Variants in CALCOCO1 observed in about 807,000 individuals in gnomAD.
CALCOCO1 encodes calcium-binding and coiled-coil domain-containing protein 1.
Under a neutral mutation model 86.3 loss-of-function variants are expected in CALCOCO1, and 44 were observed. The observed-to-expected ratio is 0.51, with a 90% CI of 0.40 to 0.66. The LOEUF is 0.66. CALCOCO1 is among the 30% of genes least tolerant of loss of function. The pLI is 0.00. For synonymous variants in CALCOCO1, 297 were observed against 327.6 expected (o/e 0.91, Z 1.01); for missense variants, 708 against 851.1 (o/e 0.83, Z 2.09).
In CALCOCO1 at chr12:53,711,609, G is replaced by A. The variant is rs2120524362; in HGVS notation, c.*335C>T. The stretch of plus-strand genomic sequence containing the variant: ...GTGTGAGTGTGAGTGTGTGTGTGCA[G>A]TGGCTGTGTATCAGAAGCAACCAGG... On this transcript the variant is annotated 3_prime_UTR_variant, in exon 15 of 15. Transcript: ENST00000550804. 1 of 295,656 alleles carries A rather than the reference G, an allele frequency of 3.4e-6. No individual in the cohort carries two copies. The highest frequency in any genetic ancestry group is 6.2e-6 in the Non-Finnish European group (1 of 161,144). The allele number at this position is 295,656 out of a possible 1,614,324, so 18.3% of individuals were successfully genotyped here.
chr12:53,711,730 C>A lies in CALCOCO1; in HGVS notation c.*214G>T. 1 of 445,270 alleles carries A rather than the reference C, an allele frequency of 2.2e-6. No individual in the cohort carries two copies. 27.6% of individuals were successfully genotyped at this position (445,270 alleles called of 1,614,324 possible). On this transcript the variant is annotated 3_prime_UTR_variant, in exon 15 of 15. Transcript: ENST00000550804. ...AGGGGATAAATTCAGCCACTGCTTCCGAACAGGACCCCTCCCTGGGACAAA... is the reference window on the plus strand; with the variant it reads ...AGGGGATAAATTCAGCCACTGCTTCAGAACAGGACCCCTCCCTGGGACAAA...
In CALCOCO1 at chr12:53,709,836, T is replaced by TG. The variant is rs1329864426; in HGVS notation, c.*2107dup. The stretch of plus-strand genomic sequence containing the variant: ...TTTTTTGCACAAGGCAGCCACTCAC[T>TG]GGAAGCCAGGAGGTGTGGGTCCCAG... On this transcript the variant is annotated 3_prime_UTR_variant, in exon 15 of 15. Coordinates refer to ENST00000550804, the MANE Select transcript of CALCOCO1 (RefSeq NM_020898.3). 1 of 152,206 alleles carries TG rather than the reference T, an allele frequency of 6.6e-6. No individual in the cohort carries two copies. The highest frequency in any genetic ancestry group is 1.5e-5 in the Non-Finnish European group (1 of 68,034). The allele number at this position is 152,206 out of a possible 1,614,324, so 9.4% of individuals were successfully genotyped here.
Position 53,711,671 on chromosome 12 carries a change from C to T in CALCOCO1, c.*273G>A. 1 of 360,670 alleles carries T rather than the reference C, an allele frequency of 2.8e-6. No homozygotes were observed. The allele number at this position is 360,670 out of a possible 1,614,324, so 22.3% of individuals were successfully genotyped here. A position where few individuals can be genotyped will look rare whatever the true frequency, so the allele number is the denominator to read the frequency against. ...ACGATTCTATTCCCACAGGGGAAGG[C>T]CTCCTCCATCCCGGTTCCTCCAAAA... On this transcript the variant is annotated 3_prime_UTR_variant, in exon 15 of 15. Transcript: ENST00000550804.
In CALCOCO1 at chr12:53,725,339, C is replaced by A. The variant is rs1945999109; in HGVS notation, c.-24-73G>T. 3 of 971,732 alleles carry A rather than the reference C, an allele frequency of 3.1e-6. No homozygotes were observed. In the Admixed American group the frequency reaches 9.5e-5, roughly 31 times the overall value. The allele number at this position is 971,732 out of a possible 1,614,324, so 60.2% of individuals were successfully genotyped here. ...TTCCCCCCACAGCTCCAGCACCACA[C>A]ACTCACAGCCCCTGCCACTACACCT... On this transcript the variant is annotated intron_variant, in intron 1 of 14. Coordinates refer to ENST00000550804, the MANE Select transcript of CALCOCO1 (RefSeq NM_020898.3).
chr12:53,716,807 G>A (rs183345228), intron 7 of CALCOCO1, among the ~76,000 whole-genome samples: 60 of 152,132 alleles, frequency 3.9e-4, no homozygotes, highest in East Asian at 1.5e-3. Flanking sequence ...TAGCTCCCAC[G>A]TTACTCAGGA....
In CALCOCO1 at chr12:53,710,354, A is replaced by G. The variant is rs1427640192; in HGVS notation, c.*1590T>C. The stretch of plus-strand genomic sequence containing the variant: ...GGACAGGAGCATTTCAGGTGAATGG[A>G]GAAAGGGAATGGTGGGGGTGGTCCA... On this transcript the variant is annotated 3_prime_UTR_variant, in exon 15 of 15. Coordinates refer to ENST00000550804, the MANE Select transcript of CALCOCO1 (RefSeq NM_020898.3). The G allele has an allele frequency of 6.6e-6, 1 of 151,948 alleles. No individual in the cohort carries two copies. The highest frequency in any genetic ancestry group is 6.6e-5 in the Admixed American group (1 of 15,236). The allele number at this position is 151,948 out of a possible 1,614,324, so 9.4% of individuals were successfully genotyped here.
intron 1 of CALCOCO1, chr12:53,725,566 G>T: frequency 5.4e-6 from 1 of 186,122 alleles, no homozygotes. Flanking sequence ...CGGGGACAGA[G>T]CCTGGGATAC....
intron 7 of CALCOCO1, 90 bp downstream of exon 7, chr12:53,719,649 C>A: frequency 1.2e-6 from 1 of 856,528 alleles, no homozygotes. Flanking sequence ...GTCTTCTTTA[C>A]ATTTTTATTC....
intron 2 of CALCOCO1, 156 bp downstream of exon 2, chr12:53,724,931 T>TG: frequency 1.1e-6 from 1 of 894,278 alleles, no homozygotes; most frequent in Non-Finnish European, 1.7e-6. Flanking sequence ...GGAGAAAATA[T>TG]GTGCTTTGGT....
chr12:53,717,381 C>T (rs544518410), intron 7 of CALCOCO1, among the ~76,000 whole-genome samples: 5 of 152,288 alleles, frequency 3.3e-5, no homozygotes, highest in South Asian at 4.1e-4. Context: ...GTACAGTACA[C>T]GTCACCCCTG....
Position 53,713,762 on chromosome 12 carries a change from C to G in CALCOCO1, c.1730G>C (p.Ser577Thr). 1 of 1,606,738 alleles carries G rather than the reference C, an allele frequency of 6.2e-7. No individual in the cohort carries two copies. The highest frequency in any genetic ancestry group is 8.5e-7 in the Non-Finnish European group (1 of 1,176,556). The change falls in exon 13 of 15, where the codon AGC becomes ACC. Residue 577 changes from serine (S) to threonine (T), a missense_variant. By Grantham distance (58) the Ser-to-Thr change is moderately conservative (BLOSUM62 1). Coordinates refer to ENST00000550804, the MANE Select transcript of CALCOCO1 (RefSeq NM_020898.3). ...PREASPLVVI[S>T]QPAPISPHLS... ...GTGAGGAGAAATGGGAGCCGGCTGG[C>G]TGATGACAACAAGGGGAGAAGCCTC...
intron 9 of CALCOCO1, 107 bp from the exon 10 acceptor site, chr12:53,715,432 T>C: frequency 1.4e-6 from 2 of 1,432,228 alleles, no homozygotes; most frequent in Admixed American, 4.0e-5. Flanking sequence ...ATTTAAAGCA[T>C]CATTTTTAGA....
At position 53,709,422 on chromosome 12, in the gene CALCOCO1, A is replaced by T. The variant is rs746637257; in HGVS notation, c.*2522T>A. 1 of 152,070 alleles carries T rather than the reference A, an allele frequency of 6.6e-6. No homozygotes were observed. The highest frequency in any genetic ancestry group is 1.5e-5 in the Non-Finnish European group (1 of 68,090). The allele number at this position is 152,070 out of a possible 1,614,324, so 9.4% of individuals were successfully genotyped here. On this transcript the variant is annotated 3_prime_UTR_variant, in exon 15 of 15. Coordinates refer to ENST00000550804, the MANE Select transcript of CALCOCO1 (RefSeq NM_020898.3). Reference sequence around the variant, plus strand: ...GAGAAATGGCCCCACATTTTGTGGCACCCCCAGTCTGAAACTGCAAATTGC... The same window carrying T: ...GAGAAATGGCCCCACATTTTGTGGCTCCCCCAGTCTGAAACTGCAAATTGC...
intron 1 of CALCOCO1, among the ~76,000 whole-genome samples, 197 bp from the exon 2 acceptor site, chr12:53,725,463 C>T (rs7970010): frequency 0.17 from 26,280 of 152,104 alleles, 2,358 homozygotes; most frequent in East Asian, 0.32. Flanking sequence ...CTTCCAAGTC[C>T]GTCCCCATCC....
In CALCOCO1 at chr12:53,721,827, G is replaced by A. The variant is rs928997604; in HGVS notation, c.609+198C>T. Reference sequence around the variant, plus strand: ...CCAGCATTCCTATGTTCAAAGAACTGAGTCTCATTACACGTTTGGAACATG... The same window carrying A: ...CCAGCATTCCTATGTTCAAAGAACTAAGTCTCATTACACGTTTGGAACATG... On this transcript the variant is annotated intron_variant, in intron 5 of 14. Transcript: ENST00000550804. The A allele has an allele frequency of 3.8e-6, 3 of 795,076 alleles. No homozygotes were observed. In the Admixed American group the frequency reaches 7.3e-5, roughly 19 times the overall value. The allele number at this position is 795,076 out of a possible 1,614,324, so 49.3% of individuals were successfully genotyped here. A position where few individuals can be genotyped will look rare whatever the true frequency, so the allele number is the denominator to read the frequency against.
Position 53,709,382 on chromosome 12 carries a change from AC to A in CALCOCO1, c.*2561del, listed in dbSNP as rs1945509900. The A allele has an allele frequency of 6.6e-6, 1 of 152,216 alleles. No individual in the cohort carries two copies. The highest frequency in any genetic ancestry group is 2.4e-5 in the African/African-American group (1 of 41,432). The allele number at this position is 152,216 out of a possible 1,614,324, so 9.4% of individuals were successfully genotyped here. A position where few individuals can be genotyped will look rare whatever the true frequency, so the allele number is the denominator to read the frequency against. On this transcript the variant is annotated 3_prime_UTR_variant, in exon 15 of 15. Coordinates refer to ENST00000550804, the MANE Select transcript of CALCOCO1 (RefSeq NM_020898.3). Reference sequence around the variant, plus strand: ...ATGCTTTGGATACTGGGATAGGCAAACCATGAGTAAGGAAGAGAAATGGCCC... The same window carrying A: ...ATGCTTTGGATACTGGGATAGGCAAACATGAGTAAGGAAGAGAAATGGCCC...
chr12:53,716,802 C>T (rs1316513823), intron 7 of CALCOCO1, among the ~76,000 whole-genome samples: 1 of 152,200 alleles, frequency 6.6e-6, no homozygotes, highest in Non-Finnish European at 1.5e-5. Flanking sequence ...CCAACTAGCT[C>T]CCACGTTACT....
chr12:53,717,035 T>G (rs568322675), intron 7 of CALCOCO1, among the ~76,000 whole-genome samples: 1 of 152,376 alleles, frequency 6.6e-6, no homozygotes, highest in Admixed American at 6.5e-5. Flanking sequence ...TATTCTTCTT[T>G]AGGTACAGTT....
At chr12:53,719,925 G>A (rs1945824184) in intron 6 of CALCOCO1, 96 bp from the exon 7 acceptor site, 4 of 747,574 alleles carry the variant, frequency 5.4e-6, no homozygotes, top group Admixed American at 4.8e-5. Context: ...GCTGCTCTAG[G>A]CCCAGAGCTC....
Sources: allele counts gnomAD v4.1 joint callset (sites outside exome capture counted in the v4.1 genomes callset), GRCh38; gene constraint gnomAD v4.1.1; transcripts MANE v1.5; gene names NCBI Gene and HGNC (gene_info 2026-07-23, HGNC 2026-07-21).